PAK4: variants seen among roughly 807,000 people sequenced by gnomAD.
The protein encoded by PAK4 is p21 (RAC1) activated kinase 4.
A neutral mutation model predicts 53.5 loss-of-function variants in PAK4; 49 were observed. The ratio of observed to expected loss-of-function variants is 0.92; its 90% CI spans 0.73 to 1.16. The LOEUF is 1.16. Ranked by LOEUF, PAK4 falls within the 50% of genes most tolerant of loss-of-function variation. PAK4 has a pLI of 0.00. For missense variants in PAK4, 824 were observed against 850.7 expected (o/e 0.97, Z 0.39); for synonymous variants, 376 against 375.6 (o/e 1.00, Z -0.01).
intron 7 of PAK4, 118 bp downstream of exon 8, chr19:39,176,833 C>A: frequency 7.9e-7 from 1 of 1,260,290 alleles, no homozygotes; most frequent in African/African-American, 1.5e-5. Context: ...GAATGGTGCT[C>A]TGGACAAGGA....
chr19:39,166,921 C>T (rs1370755292), intron 1 of PAK4, among the ~76,000 whole-genome samples: 2 of 152,252 alleles, frequency 1.3e-5, no homozygotes, highest in Non-Finnish European at 2.9e-5. Flanking sequence ...TTTGTCCTGC[C>T]CTCTGTGCAG....
intron 1 of PAK4, among the ~76,000 whole-genome samples, chr19:39,138,700 CT>C (rs2073861712): frequency 6.6e-6 from 1 of 152,214 alleles, no homozygotes; most frequent in African/African-American, 2.4e-5. Context: ...GGTACCGCCC[CT>C]GGACCCTGGC....
intron 1 of PAK4, among the ~76,000 whole-genome samples, chr19:39,163,632 AT>A (rs2074321018): frequency 6.6e-6 from 1 of 152,166 alleles, no homozygotes; most frequent in Admixed American, 6.5e-5. Flanking sequence ...AATTCAAAAG[AT>A]TTTTTAAAAT....
At chr19:39,151,080 C>G (rs892679672) in intron 1 of PAK4, among the ~76,000 whole-genome samples, 1 of 152,166 alleles carries the variant, frequency 6.6e-6, no homozygotes, top group Non-Finnish European at 1.5e-5. Flanking sequence ...AAAATGAGGA[C>G]AGAGAGGTGG....
rs565456021 is a variant in PAK4 at position 39,178,393 on chromosome 19, C to T, written c.1621-31C>T. 2.9e-5 allele frequency: 45 copies of T among 1,558,798 alleles called. No individual in the cohort carries two copies. Among genetic ancestry groups the T allele is most frequent in the African/African-American group, 1.2e-4 (9 of 73,492 alleles). ...ACAGCAAATGAACAGTGGGGAGCCT[C>T]GCCCCCTGACCCTCCCCTCCTTCTC... On this transcript the variant is annotated intron_variant, in intron 8 of 8. Transcript: ENST00000358301. This position sits in a 1 kb window ranked among gnomAD's most constrained non-coding sequence, Gnocchi z 4.4.
intron 1 of PAK4, among the ~76,000 whole-genome samples, chr19:39,126,252 C>T (rs60131831): frequency 0.2 from 30,268 of 151,854 alleles, 3,651 homozygotes; most frequent in East Asian, 0.32. Flanking sequence ...GAGGTCACAG[C>T]CCCAGGGGCG....
intron 1 of PAK4, among the ~76,000 whole-genome samples, chr19:39,154,168 C>T (rs935231431): frequency 2.0e-5 from 3 of 152,114 alleles, no homozygotes; most frequent in African/African-American, 4.8e-5. Context: ...AGTCTCTTCT[C>T]GCGTGTGCTC....
At chr19:39,176,827 G>T in intron 7 of PAK4, 112 bp downstream of exon 8, 1 of 1,333,280 alleles carries the variant, frequency 7.5e-7, no homozygotes, top group Non-Finnish European at 1.0e-6. Context: ...TGCCAGGAAT[G>T]GTGCTCTGGA....
At chr19:39,177,042 T>G (rs954632527) in intron 7 of PAK4, among the ~76,000 whole-genome samples, 5 of 152,062 alleles carry the variant, frequency 3.3e-5, no homozygotes, top group Non-Finnish European at 5.9e-5. Flanking sequence ...CTAATTTTTG[T>G]ATTAGTAGAG....
At chr19:39,166,049 G>A (rs1219949232) in intron 1 of PAK4, among the ~76,000 whole-genome samples, 1 of 152,260 alleles carries the variant, frequency 6.6e-6, no homozygotes, top group East Asian at 1.9e-4. Flanking sequence ...CTATTGGAAT[G>A]GTGACCGGCA....
chr19:39,148,657 A>G (rs1291401998), intron 1 of PAK4, among the ~76,000 whole-genome samples: 1 of 149,450 alleles, frequency 6.7e-6, no homozygotes, highest in Non-Finnish European at 1.5e-5. Flanking sequence ...GGATTTCACC[A>G]TATTGGCCAA....
chr19:39,157,439 C>T (rs1015111224), intron 1 of PAK4, among the ~76,000 whole-genome samples: 6 of 152,128 alleles, frequency 3.9e-5, no homozygotes, highest in South Asian at 4.1e-4. Context: ...TCGCAGTCCA[C>T]GGTCCATCCA....
At chr19:39,136,420 A>G (rs1316886425) in intron 1 of PAK4, 2 of 151,450 alleles carry the variant, frequency 1.3e-5, no homozygotes, top group Non-Finnish European at 2.9e-5. Flanking sequence ...GGCAGGTCCT[A>G]CCCCGGGGCC....
At chr19:39,171,459 C>A (rs1365351185) in intron 2 of PAK4, among the ~76,000 whole-genome samples, 1 of 152,212 alleles carries the variant, frequency 6.6e-6, no homozygotes, top group Non-Finnish European at 1.5e-5. Flanking sequence ...TCCTCAGCCT[C>A]CCGAGGTGCT....
intron 1 of PAK4, among the ~76,000 whole-genome samples, chr19:39,138,367 G>C (rs1326418880): frequency 6.6e-6 from 1 of 152,154 alleles, no homozygotes; most frequent in East Asian, 1.9e-4. Context: ...GCCCATTCTT[G>C]ACTTTTTGTA....
At chr19:39,150,709 G>GC in intron 1 of PAK4, among the ~76,000 whole-genome samples, 1 of 152,200 alleles carries the variant, frequency 6.6e-6, no homozygotes, top group African/African-American at 2.4e-5. Flanking sequence ...GGACAACGTA[G>GC]TGAGACCTTG....
At chr19:39,170,379 C>T (rs1346583276) in intron 2 of PAK4, among the ~76,000 whole-genome samples, 1 of 152,004 alleles carries the variant, frequency 6.6e-6, no homozygotes, top group East Asian at 1.9e-4. Context: ...TTCTTCCTGC[C>T]ATCTAGAGCA....
intron 4 of PAK4, among the ~76,000 whole-genome samples, chr19:39,174,600 G>C (rs11671084): frequency 0.39 from 59,930 of 151,834 alleles, 12,097 homozygotes; most frequent in African/African-American, 0.47. Flanking sequence ...TCATCCTCCC[G>C]CCGACACACG....
chr19:39,182,252 C>G (rs2074706809), downstream of PAK4: 1 of 152,226 alleles, frequency 6.6e-6, no homozygotes, highest in African/African-American at 2.4e-5. Flanking sequence ...AGGCACTCCT[C>G]TTTAAGGACC....
Sources: allele counts gnomAD v4.1 joint callset (sites outside exome capture counted in the v4.1 genomes callset), GRCh38; gene constraint gnomAD v4.1.1; non-coding constraint Gnocchi (gnomAD v3.1); transcripts MANE v1.5; gene names NCBI Gene and HGNC (gene_info 2026-07-23, HGNC 2026-07-21).